RFX4: variants seen among roughly 807,000 people sequenced by gnomAD.
RFX4 encodes the protein regulatory factor X4.
A neutral mutation model predicts 95.0 loss-of-function variants in RFX4; 10 were observed. That is an observed-to-expected ratio of 0.11 (90% CI 0.06 to 0.18). The LOEUF is 0.18. Ranked by LOEUF, RFX4 falls within the 10% of genes least tolerant of loss-of-function variation. RFX4 has a pLI of 1.00. For synonymous variants in RFX4, 321 were observed against 340.7 expected (o/e 0.94, Z 0.64); for missense variants, 640 against 922.0 (o/e 0.69, Z 3.96).
intron 8 of RFX4, among the ~76,000 whole-genome samples, chr12:106,705,234 A>T (rs1045303332): frequency 6.6e-6 from 1 of 152,236 alleles, no homozygotes; most frequent in East Asian, 1.9e-4. Flanking sequence ...ACTCATTAAA[A>T]GGTAACTGCT....
At chr12:106,738,283 T>C (rs970735659) in intron 15 of RFX4, among the ~76,000 whole-genome samples, 4 of 152,138 alleles carry the variant, frequency 2.6e-5, no homozygotes, top group African/African-American at 9.7e-5. Flanking sequence ...GCAGAAACCA[T>C]TTGGATGAAA....
chr12:106,655,195 G>A (rs919824656), intron 4 of RFX4, among the ~76,000 whole-genome samples: 14 of 152,178 alleles, frequency 9.2e-5, no homozygotes, highest in African/African-American at 2.7e-4. Flanking sequence ...ACAAAGAGCC[G>A]TGTTAGGGCT....
intron 4 of RFX4, among the ~76,000 whole-genome samples, chr12:106,676,011 G>A (rs771114117): frequency 2.0e-5 from 3 of 152,216 alleles, no homozygotes; most frequent in Non-Finnish European, 2.9e-5. Context: ...GGGCCAATGA[G>A]ACTATGGCAG....
At chr12:106,641,285 G>A (rs2040616883) in intron 3 of RFX4, among the ~76,000 whole-genome samples, 1 of 152,228 alleles carries the variant, frequency 6.6e-6, no homozygotes, top group Admixed American at 6.5e-5. Context: ...CTTACAAGCT[G>A]TGAAGTCTTG....
chr12:106,759,632 A>G (rs2043174835), intron 17 of RFX4, among the ~76,000 whole-genome samples: 2 of 152,132 alleles, frequency 1.3e-5, no homozygotes, highest in African/African-American at 4.8e-5. Context: ...CCCATGACGC[A>G]GAGCACAGGG....
chr12:106,721,831 C>G (rs891064258), intron 13 of RFX4, among the ~76,000 whole-genome samples: 1 of 152,170 alleles, frequency 6.6e-6, no homozygotes, highest in Non-Finnish European at 1.5e-5. Context: ...TAATTTGACA[C>G]TTTTCCATCT....
At chr12:106,598,409 T>C (rs1445806423) in intron 1 of RFX4, among the ~76,000 whole-genome samples, 5 of 152,104 alleles carry the variant, frequency 3.3e-5, no homozygotes, top group Admixed American at 2.6e-4. Flanking sequence ...AAATGCTATG[T>C]TTGCTAGAGT....
At chr12:106,626,456 A>T (rs2040301645) in intron 2 of RFX4, among the ~76,000 whole-genome samples, 1 of 152,170 alleles carries the variant, frequency 6.6e-6, no homozygotes, top group Non-Finnish European at 1.5e-5. Flanking sequence ...TTGAAGAATC[A>T]TGGGAAATAG....
intron 1 of RFX4, among the ~76,000 whole-genome samples, chr12:106,589,000 TC>T (rs2137163431): frequency 6.6e-6 from 1 of 152,274 alleles, no homozygotes; most frequent in Non-Finnish European, 1.5e-5. Context: ...CTCCACAGGT[TC>T]CTGAGAGCCC....
chr12:106,666,444 T>C (rs2041177844), intron 4 of RFX4, among the ~76,000 whole-genome samples: 1 of 152,206 alleles, frequency 6.6e-6, no homozygotes, highest in Non-Finnish European at 1.5e-5. Context: ...ATCTGTGATT[T>C]GGTGTCTGAC....
intron 3 of RFX4, among the ~76,000 whole-genome samples, chr12:106,645,240 G>A (rs2040721726): frequency 6.6e-6 from 1 of 152,152 alleles, no homozygotes; most frequent in Admixed American, 6.5e-5. Flanking sequence ...GATGGTGAGC[G>A]CTGCTGGAAT....
At chr12:106,679,682 G>C (rs1251106830) in intron 4 of RFX4, among the ~76,000 whole-genome samples, 1 of 152,094 alleles carries the variant, frequency 6.6e-6, no homozygotes, top group African/African-American at 2.4e-5. Flanking sequence ...AAATCCCCTG[G>C]CTCAATTTTT....
At chr12:106,667,616 C>T (rs1235373967) in intron 4 of RFX4, among the ~76,000 whole-genome samples, 14 of 152,178 alleles carry the variant, frequency 9.2e-5, no homozygotes, top group Admixed American at 9.2e-4. Context: ...GTTCCTACCA[C>T]AGTACTGGGT....
chr12:106,725,845 A>C (rs1034699190), intron 13 of RFX4, among the ~76,000 whole-genome samples: 2 of 152,236 alleles, frequency 1.3e-5, no homozygotes, highest in African/African-American at 4.8e-5. Context: ...TTCCTCCAAA[A>C]AAAATTAGGC....
chr12:106,755,659 T>C (rs2043095352), intron 17 of RFX4, among the ~76,000 whole-genome samples: 1 of 152,196 alleles, frequency 6.6e-6, no homozygotes. Flanking sequence ...TATTGGTTCT[T>C]TGGTTTAAGG....
chr12:106,737,987 G>A (rs1202421356), intron 15 of RFX4, among the ~76,000 whole-genome samples: 1 of 152,140 alleles, frequency 6.6e-6, no homozygotes, highest in Non-Finnish European at 1.5e-5. Context: ...GAAAAAGTAC[G>A]TGTAGTGAAA....
Position 106,599,443 on chromosome 12 carries a change from A to G in RFX4, c.44-9354A>G, listed in dbSNP as rs573004916. Among the ~76,000 whole-genome samples, 6 of 152,088 alleles carry G rather than the reference A, an allele frequency of 3.9e-5. No homozygotes were observed. In the East Asian group the frequency reaches 1.2e-3, roughly 29 times the overall value. On this transcript the variant is annotated intron_variant, in intron 1 of 17. Coordinates refer to ENST00000392842, the MANE Select transcript of RFX4 (RefSeq NM_213594.3). ...CAAATCCCTGCTCAGCAGCTTAACA[A>G]CTGTGTGATCTTGGGCAAGTCATCG...
intron 2 of RFX4, among the ~76,000 whole-genome samples, chr12:106,624,141 C>T (rs978477574): frequency 6.6e-6 from 1 of 152,044 alleles, no homozygotes; most frequent in Non-Finnish European, 1.5e-5. Flanking sequence ...TCCCAGAAGC[C>T]CTCAACAGAC....
At position 106,701,447 on chromosome 12, in the gene RFX4, T is replaced by C. The variant is rs542482217; in HGVS notation, c.833+5001T>C. On this transcript the variant is annotated intron_variant, in intron 8 of 17. Transcript: ENST00000392842. ...ATTATTTTTGGAAAATACCCATTCA[T>C]TATCTTCTTCTCTGCTTTCTCTCTT... is the stretch of plus-strand genomic sequence containing the variant. Among the ~76,000 whole-genome samples the C allele has an allele frequency of 2.5e-3, 351 of 143,228 alleles. 1 individual carries two copies. The highest frequency in any genetic ancestry group is 4.2e-3 in the Non-Finnish European group (280 of 66,292). 94.0% of individuals were successfully genotyped at this position (143,228 alleles called of 152,430 possible). A position where few individuals can be genotyped will look rare whatever the true frequency, so the allele number is the denominator to read the frequency against.
Sources: allele counts gnomAD v4.1 joint callset (sites outside exome capture counted in the v4.1 genomes callset), GRCh38; gene constraint gnomAD v4.1.1; transcripts MANE v1.5; gene names NCBI Gene and HGNC (gene_info 2026-07-23, HGNC 2026-07-21).